Variants in PRKN observed in about 807,000 individuals in gnomAD.
PRKN encodes E3 ubiquitin-protein ligase parkin.
PRKN carries 56 observed loss-of-function variants against 59.5 expected under a neutral mutation model. The observed-to-expected ratio is 0.94, with a 90% CI of 0.76 to 1.18. The LOEUF (loss-of-function observed/expected upper bound fraction) is 1.18, where lower values mean the gene tolerates loss of function less well. PRKN is among the 50% of genes most tolerant of loss of function. The pLI is 0.00. For synonymous variants in PRKN, 250 were observed against 222.1 expected (o/e 1.13, Z -1.12); for missense variants, 657 against 596.4 (o/e 1.10, Z -1.06).
In PRKN at chr6:161,533,914, T is replaced by A. The variant is rs546165843; in HGVS notation, c.1083+14940A>T. Among the ~76,000 whole-genome samples, 9 of 152,294 alleles carry A rather than the reference T, an allele frequency of 5.9e-5. No individual in the cohort carries two copies. The highest frequency in any genetic ancestry group is 1.0e-4 in the Non-Finnish European group (7 of 68,024). On this transcript the variant is annotated intron_variant, in intron 9 of 11. Coordinates refer to ENST00000366898, the MANE Select transcript of PRKN (RefSeq NM_004562.3). This position sits in a 1 kb window ranked among gnomAD's most constrained non-coding sequence, Gnocchi z 4.1. ...AAGATAAACAGCGATTCCTGTTTTA[T>A]AAGGTAGGAAGGCTGTATATTCACA...
intron 6 of PRKN, among the ~76,000 whole-genome samples, chr6:161,948,161 T>A (rs1260750844): frequency 2.0e-5 from 3 of 152,036 alleles, no homozygotes; most frequent in Admixed American, 2.0e-4. Context: ...AATTTCTGTA[T>A]TTTTTAGTAG....
chr6:161,511,059 C>T (rs1204843015), intron 9 of PRKN, among the ~76,000 whole-genome samples: 1 of 152,158 alleles, frequency 6.6e-6, no homozygotes. Context: ...GGGTAATGGA[C>T]TCAAACTATA....
At chr6:162,004,153 T>G (rs893017666) in intron 5 of PRKN, among the ~76,000 whole-genome samples, 26 of 152,166 alleles carry the variant, frequency 1.7e-4, no homozygotes, top group Non-Finnish European at 2.9e-4. Context: ...TGGTTGAATT[T>G]ATCATGAATG....
intron 1 of PRKN, among the ~76,000 whole-genome samples, chr6:162,722,992 C>T (rs2128241013): frequency 6.6e-6 from 1 of 152,294 alleles, no homozygotes; most frequent in South Asian, 2.1e-4. Flanking sequence ...AGGCATAGAG[C>T]TGGTTTTCAT....
intron 6 of PRKN, among the ~76,000 whole-genome samples, chr6:161,846,726 A>T (rs1220543658): frequency 6.6e-6 from 1 of 152,176 alleles, no homozygotes; most frequent in Non-Finnish European, 1.5e-5. Flanking sequence ...TTTGGGTCCC[A>T]CCTTACCAAA....
rs142557727 is a variant in PRKN at position 161,803,844 on chromosome 6, A to C, written c.735-17936T>G. 6.8e-3 allele frequency among the ~76,000 whole-genome samples: 1,030 copies of C among 152,312 alleles called. 13 individuals are homozygous for C. The highest frequency in any genetic ancestry group is 0.024 in the African/African-American group (985 of 41,572). On this transcript the variant is annotated intron_variant, in intron 6 of 11. Transcript: ENST00000366898. ...GGTCTGCGACACAGATGCATTTCAT[A>C]AAGGAAGCAAAGACCTCAAGTCCGA...
rs1387696123 is a variant in PRKN, at chr6:161,400,494, G to A, written c.1084-13617C>T. Among the ~76,000 whole-genome samples the A allele has an allele frequency of 1.3e-5, 2 of 151,958 alleles. No homozygotes were observed. Among genetic ancestry groups the A allele is most frequent in the African/African-American group, 4.8e-5 (2 of 41,340 alleles). ...AGCTAATTTTTGTATTTTTAGTAGA[G>A]ACGGGGTTTCGCTTTCGCCATATTG... On this transcript the variant is annotated intron_variant, in intron 9 of 11. Transcript: ENST00000366898. The surrounding 1 kb of genome is among the most constrained non-coding windows in gnomAD (Gnocchi z 4.2).
At chr6:162,045,027 A>G (rs7766377) in intron 5 of PRKN, among the ~76,000 whole-genome samples, 88,193 of 151,880 alleles carry the variant, frequency 0.58, 27,429 homozygotes, top group East Asian at 0.8. Flanking sequence ...TTCCCAAACT[A>G]TGAAAGCAGT....
chr6:162,603,967 C>G (rs1384047341), intron 1 of PRKN, among the ~76,000 whole-genome samples: 1 of 152,148 alleles, frequency 6.6e-6, no homozygotes, highest in Non-Finnish European at 1.5e-5. Context: ...ATCCTTAACA[C>G]TGCGAGGATG....
chr6:162,481,053 C>T (rs931057977), intron 1 of PRKN, among the ~76,000 whole-genome samples: 5 of 151,830 alleles, frequency 3.3e-5, no homozygotes, highest in African/African-American at 1.2e-4. Flanking sequence ...AAACTCCTGA[C>T]CTCAAGTGAT....
chr6:161,716,586 G>C (rs964693082), intron 7 of PRKN, among the ~76,000 whole-genome samples: 2 of 152,194 alleles, frequency 1.3e-5, no homozygotes, highest in African/African-American at 2.4e-5. Context: ...TTGTGTTTAA[G>C]GGATTTTATG....
intron 6 of PRKN, among the ~76,000 whole-genome samples, chr6:161,913,722 T>C (rs988759689): frequency 2.6e-5 from 4 of 152,248 alleles, no homozygotes; most frequent in Admixed American, 2.6e-4. Flanking sequence ...TGAACTGTTA[T>C]GGACTGAATG....
intron 1 of PRKN, among the ~76,000 whole-genome samples, chr6:162,457,314 T>G (rs955266395): frequency 6.6e-6 from 1 of 152,176 alleles, no homozygotes; most frequent in Non-Finnish European, 1.5e-5. Flanking sequence ...AAAAATCATC[T>G]TTTACATGTA....
At position 161,423,682 on chromosome 6, in the gene PRKN, G is replaced by T. The variant is rs1331628731; in HGVS notation, c.1084-36805C>A. Among the ~76,000 whole-genome samples the T allele has an allele frequency of 1.3e-5, 2 of 152,126 alleles. No individual in the cohort carries two copies. Among genetic ancestry groups the T allele is most frequent in the Non-Finnish European group, 2.9e-5 (2 of 68,024 alleles). On this transcript the variant is annotated intron_variant, in intron 9 of 11. Coordinates refer to ENST00000366898, the MANE Select transcript of PRKN (RefSeq NM_004562.3). The surrounding 1 kb of genome is among the most constrained non-coding windows in gnomAD (Gnocchi z 5.9). ...CTCTGCACACTCTAGCTACAGCAGG[G>T]CCTTACCATGGCTCATTGTCCCACC...
chr6:162,614,149 A>G lies in PRKN; in HGVS notation c.7+113513T>C, dbSNP rs115972297. ...TACTTTTGTCTTCTCCTATAGTAAT[A>G]TTTTAATCATAAACTAACACCTCCT... On this transcript the variant is annotated intron_variant, in intron 1 of 11. Transcript: ENST00000366898. Among the ~76,000 whole-genome samples the G allele has an allele frequency of 8.3e-3, 1,261 of 152,270 alleles. 18 individuals carry two copies. Among genetic ancestry groups the G allele is most frequent in the African/African-American group, 0.029 (1,196 of 41,546 alleles).
chr6:162,650,424 C>G (rs13209899), intron 1 of PRKN, among the ~76,000 whole-genome samples: 13,103 of 151,662 alleles, frequency 0.086, 715 homozygotes, highest in Middle Eastern at 0.18. Context: ...CGGTGAAACC[C>G]CGTCTCTACT....
chr6:161,819,026 C>T (rs548143879), intron 6 of PRKN, among the ~76,000 whole-genome samples: 1 of 152,212 alleles, frequency 6.6e-6, no homozygotes, highest in African/African-American at 2.4e-5. Flanking sequence ...CAACGCACTG[C>T]GGTTATGTTC....
At chr6:162,599,806 C>A (rs1489476020) in intron 1 of PRKN, among the ~76,000 whole-genome samples, 7 of 152,052 alleles carry the variant, frequency 4.6e-5, no homozygotes, top group Non-Finnish European at 1.0e-4. Flanking sequence ...ACAATAGTAA[C>A]AACAAAACAG....
At chr6:161,837,958 A>C (rs1792830814) in intron 6 of PRKN, among the ~76,000 whole-genome samples, 1 of 152,184 alleles carries the variant, frequency 6.6e-6, no homozygotes, top group African/African-American at 2.4e-5. Context: ...AAGGACAGGA[A>C]ACTCTACCTC....
Sources: allele counts gnomAD v4.1 joint callset (sites outside exome capture counted in the v4.1 genomes callset), GRCh38; gene constraint gnomAD v4.1.1; non-coding constraint Gnocchi (gnomAD v3.1); transcripts MANE v1.5; gene names NCBI Gene and HGNC (gene_info 2026-07-23, HGNC 2026-07-21).